DRC2: variants seen among roughly 807,000 people sequenced by gnomAD.
DRC2 encodes dynein regulatory complex subunit 2.
chr12:48,921,072 A>C, the DRC2 span: 1 of 1,611,436 alleles, frequency 6.2e-7, no homozygotes. Flanking sequence ...CTTACTGAGG[A>C]GCTCACCAAG....
chr12:48,919,052 CCT>C, the DRC2 span: 76 of 596,864 alleles, frequency 1.3e-4, no homozygotes, highest in Non-Finnish European at 1.9e-4. Flanking sequence ...TGTTTCCTCC[CCT>C]CTTACATTAA....
chr12:48,918,925 TCAG>T, the DRC2 span: 1 of 1,594,978 alleles, frequency 6.3e-7, no homozygotes, highest in Non-Finnish European at 8.6e-7. Flanking sequence ...GAGAGGACTA[TCAG>T]AATAAAGTCA....
the DRC2 span, chr12:48,914,306 G>T: frequency 6.7e-5 from 81 of 1,206,622 alleles, 3 homozygotes; most frequent in South Asian, 1.2e-3. Context: ...CAAAGAATTG[G>T]CATTAGGAAC....
At chr12:48,916,016 G>A in the DRC2 span, among the ~76,000 whole-genome samples, 1 of 150,608 alleles carries the variant, frequency 6.6e-6, no homozygotes, top group Non-Finnish European at 1.5e-5. Flanking sequence ...GCCGGGCAGA[G>A]ACGCTCCTCA....
the DRC2 span, among the ~76,000 whole-genome samples, chr12:48,914,091 GTTTT>G: frequency 1.3e-4 from 19 of 151,750 alleles, no homozygotes; most frequent in Middle Eastern, 3.2e-3. Flanking sequence ...ATTTTTATGG[GTTTT>G]TTTGTTTGTT....
the DRC2 span, among the ~76,000 whole-genome samples, chr12:48,914,107 G>A: frequency 6.6e-6 from 1 of 151,256 alleles, no homozygotes; most frequent in African/African-American, 2.4e-5. Context: ...TTGTTTGTTT[G>A]TTTGTTTTTG....
chr12:48,912,469 C>T, the DRC2 span, among the ~76,000 whole-genome samples: 1 of 74,602 alleles, frequency 1.3e-5, no homozygotes, highest in Non-Finnish European at 2.9e-5. Flanking sequence ...AATTCATGTG[C>T]ACTTGGCTTC....
chr12:48,913,415 C>T, the DRC2 span, among the ~76,000 whole-genome samples: 13 of 150,754 alleles, frequency 8.6e-5, no homozygotes, highest in Middle Eastern at 3.5e-3. Flanking sequence ...GCGATTTTCC[C>T]GCCTCAGCCT....
chr12:48,909,906 G>C, the DRC2 span, among the ~76,000 whole-genome samples: 2 of 151,014 alleles, frequency 1.3e-5, no homozygotes, highest in Non-Finnish European at 2.9e-5. Flanking sequence ...TCAGCCTCCT[G>C]CATAGCTGGG....
At chr12:48,920,441 T>TTAAAAAAAAAAAAA in the DRC2 span, among the ~76,000 whole-genome samples, 40 of 67,804 alleles carry the variant, frequency 5.9e-4, 3 homozygotes, top group Non-Finnish European at 7.8e-4. Flanking sequence ...AACTCCATCT[T>TTAAAAAAAAAAAAA]AAAAAAAAAA....
chr12:48,904,275 A>C, the DRC2 span: 1 of 1,555,660 alleles, frequency 6.4e-7, no homozygotes, highest in Non-Finnish European at 8.7e-7. Flanking sequence ...TTTTCTTCTA[A>C]GCTCTGTAAC....
chr12:48,914,643 C>T, the DRC2 span: 95 of 1,471,728 alleles, frequency 6.5e-5, no homozygotes, highest in Non-Finnish European at 7.1e-5. Context: ...CAAGGAGTTG[C>T]CTGTAAGCAA....
At chr12:48,910,087 C>T in the DRC2 span, among the ~76,000 whole-genome samples, 15 of 152,104 alleles carry the variant, frequency 9.9e-5, no homozygotes, top group South Asian at 1.2e-3. Flanking sequence ...GCCATCCTGG[C>T]AAACTTTCAT....
At chr12:48,920,441 T>TTTTTAAAAAAA in the DRC2 span, among the ~76,000 whole-genome samples, 1 of 67,816 alleles carries the variant, frequency 1.5e-5, no homozygotes, top group Non-Finnish European at 2.6e-5. Context: ...AACTCCATCT[T>TTTTTAAAAAAA]AAAAAAAAAA....
At chr12:48,918,461 C>G in the DRC2 span, 1 of 1,613,898 alleles carries the variant, frequency 6.2e-7, no homozygotes. Flanking sequence ...GAAAAAAATA[C>G]AGAAACTACA....
At chr12:48,918,612 G>A in the DRC2 span, 1 of 1,518,130 alleles carries the variant, frequency 6.6e-7, no homozygotes. Flanking sequence ...TCCCCAGGCA[G>A]CCCTTTTACC....
the DRC2 span, among the ~76,000 whole-genome samples, chr12:48,909,484 A>T: frequency 6.6e-6 from 1 of 151,234 alleles, no homozygotes; most frequent in Non-Finnish European, 1.5e-5. Flanking sequence ...ATTTTTATTT[A>T]TTTATTTTTT....
chr12:48,920,111 TAAAAAAAA>T, the DRC2 span, among the ~76,000 whole-genome samples: 3 of 32,058 alleles, frequency 9.4e-5, no homozygotes, highest in African/African-American at 4.2e-4. Flanking sequence ...AGACCCTGTC[TAAAAAAAA>T]AAAAAAAAAA....
the DRC2 span, chr12:48,905,118 G>A: frequency 2.5e-6 from 4 of 1,587,310 alleles, no homozygotes; most frequent in East Asian, 6.8e-5. Flanking sequence ...ATCAAGGTAG[G>A]CACTCTTTCC....
Sources: gnomAD v4.1 joint callset for allele counts (sites outside exome capture counted in the v4.1 genomes callset) on GRCh38, gnomAD v4.1.1 for gene constraint, MANE v1.5 for transcripts, NCBI Gene and HGNC (gene_info 2026-07-23, HGNC 2026-07-21) for gene names.